Variants in FGF8 observed in about 807,000 individuals in gnomAD.
FGF8 encodes the protein fibroblast growth factor 8, also known as androgen-induced growth factor.
A neutral mutation model predicts 29.7 loss-of-function variants in FGF8; 12 were observed. That is an observed-to-expected ratio of 0.40 (90% confidence interval 0.26 to 0.65). The LOEUF (loss-of-function observed/expected upper bound fraction) is 0.65, where lower values mean the gene tolerates loss of function less well. Ranked by LOEUF, FGF8 falls within the 30% of genes least tolerant of loss-of-function variation. The probability of loss-of-function intolerance (pLI) is 0.37; values close to 1 mark genes in which losing one functional copy is unlikely to be tolerated. For missense variants in FGF8, 271 were observed against 345.1 expected (o/e 0.79, Z 1.70); for synonymous variants, 157 against 144.4 (o/e 1.09, Z -0.63).
rs748644934 is a variant in FGF8 at position 101,770,313 on chromosome 10, G to T, written c.*16C>A. 2 of 1,577,824 alleles carry T rather than the reference G, an allele frequency of 1.3e-6. No individual in the cohort carries two copies. Among genetic ancestry groups the T allele is most frequent in the East Asian group, 4.6e-5 (2 of 43,856 alleles). On this transcript the variant is annotated 3_prime_UTR_variant, in exon 6 of 6. Coordinates refer to ENST00000320185, the MANE Select transcript of FGF8 (RefSeq NM_033163.5). The stretch of plus-strand genomic sequence containing the variant: ...CCTCTCTGCGGTCTGGCATTGTGGG[G>T]AGGGCCAGGCAGCACCTATCGGGGC...
intron 4 of FGF8, among the ~76,000 whole-genome samples, chr10:101,773,075 T>G (rs2065045354): frequency 6.6e-6 from 1 of 152,130 alleles, no homozygotes; most frequent in African/African-American, 2.4e-5. Context: ...TCTGCTATTC[T>G]CCCCGGACTA....
upstream of FGF8, among the ~76,000 whole-genome samples, chr10:101,778,010 C>T (rs895930111): frequency 6.6e-6 from 1 of 152,234 alleles, no homozygotes; most frequent in African/African-American, 2.4e-5. Flanking sequence ...CAGGCCAGCC[C>T]TTGCCTTCCC....
Position 101,775,860 on chromosome 10 carries a change from G to T in FGF8, c.32+9C>A, listed in dbSNP as rs1343504790. On this transcript the variant is annotated intron_variant, in intron 1 of 5. Transcript: ENST00000320185. The surrounding 1 kb of genome is among the most constrained non-coding windows in gnomAD (Gnocchi z 4.6). The stretch of plus-strand genomic sequence containing the variant: ...GGCGGGTGGCGGGGCAGGGCGGCGC[G>T]GTACTCACAGGCAGCTCAGCGCGGA... 35 of 1,501,340 alleles carry T rather than the reference G, an allele frequency of 2.3e-5. No individual in the cohort carries two copies. The highest frequency in any genetic ancestry group is 2.8e-5 in the Non-Finnish European group (32 of 1,130,686). The allele number at this position is 1,501,340 out of a possible 1,614,324, so 93.0% of individuals were successfully genotyped here. A position where few individuals can be genotyped will look rare whatever the true frequency, so the allele number is the denominator to read the frequency against.
At chr10:101,779,866 A>G (rs1318131925), upstream of FGF8, among the ~76,000 whole-genome samples, 2 of 152,196 alleles carry the variant, frequency 1.3e-5, no homozygotes, top group Admixed American at 1.3e-4. The surrounding 1 kb of genome is among the most constrained non-coding windows in gnomAD (Gnocchi z 5.7). Flanking sequence ...CTCCAACTCA[A>G]GTCGTTCGAA....
In FGF8 at chr10:101,771,322, A is replaced by G. The variant is rs550381673; in HGVS notation, c.444+141T>C. ...TCCTTCTCCCTCACTCCTGCACCCA[A>G]TCGTGAGGTAACCCCAAGATGGCCC... On this transcript the variant is annotated intron_variant, in intron 5 of 5. Transcript: ENST00000320185. This position sits in a 1 kb window ranked among gnomAD's most constrained non-coding sequence, Gnocchi z 5.3. 108 of 699,964 alleles carry G rather than the reference A, an allele frequency of 1.5e-4. No homozygotes were observed. Among genetic ancestry groups the G allele is most frequent in the African/African-American group, 1.0e-3 (60 of 57,166 alleles). 43.4% of individuals were successfully genotyped at this position (699,964 alleles called of 1,614,324 possible).
chr10:101,770,566 G>A lies in FGF8; in HGVS notation c.498C>T (p.Asn166=). 6.2e-7 allele frequency: 1 copy of A among 1,613,200 alleles called. No individual in the cohort carries two copies. The highest frequency in any genetic ancestry group is 8.5e-7 in the Non-Finnish European group (1 of 1,179,978). Residue 166 remains asparagine, a synonymous_variant, in exon 6 of 6, where the codon AAC becomes AAT. Transcript: ENST00000320185. The part of the protein sequence containing the change: ...CVFTEIVLEN[N]YTALQNAKYE... ...ACTTGGCATTCTGCAGCGCTGTGTA[G>A]TTGTTCTCCAGCACAATCTCCGTGA...
At chr10:101,777,240 C>T (rs1478875234), upstream of FGF8, among the ~76,000 whole-genome samples, 1 of 152,198 alleles carries the variant, frequency 6.6e-6, no homozygotes, top group Non-Finnish European at 1.5e-5. Flanking sequence ...AGCCCCCATG[C>T]TGCTTCTGTG....
chr10:101,775,799 GGAGA>G lies in FGF8; in HGVS notation c.33-27_33-24del, dbSNP rs2135002460. On this transcript the variant is annotated intron_variant, in intron 1 of 5. Transcript: ENST00000320185. The surrounding 1 kb of genome is among the most constrained non-coding windows in gnomAD (Gnocchi z 4.6). Reference sequence around the variant, plus strand: ...AGCCTGTGGGAGACAAAAGCGGGCGGGAGAGAGAGGCGCGGGTGAGGCGAGGGGC... The same window carrying G: ...AGCCTGTGGGAGACAAAAGCGGGCGGGAGAGGCGCGGGTGAGGCGAGGGGC... 6.5e-7 allele frequency: 1 copy of G among 1,540,498 alleles called. No individual in the cohort carries two copies. The highest frequency in any genetic ancestry group is 8.7e-7 in the Non-Finnish European group (1 of 1,144,166).
chr10:101,774,528 C>T (rs2065063794), intron 4 of FGF8, among the ~76,000 whole-genome samples: 1 of 152,176 alleles, frequency 6.6e-6, no homozygotes, highest in Non-Finnish European at 1.5e-5. Context: ...CATTCATTTG[C>T]TGGGCAGGGA....
rs997105525 is a variant in FGF8, at chr10:101,775,599, G to T, written c.69+141C>A. On this transcript the variant is annotated intron_variant, in intron 2 of 5. Coordinates refer to ENST00000320185, the MANE Select transcript of FGF8 (RefSeq NM_033163.5). The surrounding 1 kb of genome is among the most constrained non-coding windows in gnomAD (Gnocchi z 4.6). ...TCTGTGCCTCAGCTCCCTCCTCGGG[G>T]TGGCTCGGGGCTGGGTTTCTAAGGT... is the stretch of plus-strand genomic sequence containing the variant. 2 of 895,950 alleles carry T rather than the reference G, an allele frequency of 2.2e-6. No individual in the cohort carries two copies. The highest frequency in any genetic ancestry group is 2.7e-5 in the East Asian group (1 of 37,448). The allele number at this position is 895,950 out of a possible 1,614,324, so 55.5% of individuals were successfully genotyped here.
upstream of FGF8, among the ~76,000 whole-genome samples, chr10:101,779,680 G>A (rs1166089004): frequency 6.6e-6 from 1 of 152,012 alleles, no homozygotes; most frequent in East Asian, 1.9e-4. The surrounding 1 kb of genome is among the most constrained non-coding windows in gnomAD (Gnocchi z 5.7). Context: ...GGTGGGTGGG[G>A]TAAATATTGG....
intron 5 of FGF8, among the ~76,000 whole-genome samples, 195 bp from the exon 6 acceptor site, chr10:101,770,814 G>A (rs2065013667): frequency 6.6e-6 from 1 of 152,242 alleles, no homozygotes; most frequent in Admixed American, 6.5e-5. Context: ...TGTCCTCCCA[G>A]GCAGCAGTGA....
At chr10:101,776,985 A>C (rs1057375889), upstream of FGF8, among the ~76,000 whole-genome samples, 3 of 152,248 alleles carry the variant, frequency 2.0e-5, no homozygotes, top group South Asian at 4.1e-4. Context: ...GTACCTCAGC[A>C]GGCAGCAGGG....
At chr10:101,778,454 C>G (rs1276913011), upstream of FGF8, among the ~76,000 whole-genome samples, 1 of 152,228 alleles carries the variant, frequency 6.6e-6, no homozygotes, top group Non-Finnish European at 1.5e-5. Context: ...CCAGAAGATT[C>G]TGAGGGCCCT....
In FGF8 at chr10:101,774,772, G is replaced by C; in HGVS notation, c.297C>G (p.Asn99Lys). The C allele has an allele frequency of 1.2e-6, 2 of 1,610,110 alleles. No individual in the cohort carries two copies. Among genetic ancestry groups the C allele is most frequent in the Non-Finnish European group, 1.7e-6 (2 of 1,179,968 alleles). The change falls in exon 4 of 6, where the codon AAC (asparagine) becomes AAG (lysine). Residue 99 changes from asparagine to lysine, a missense_variant. Transcript: ENST00000320185. The part of the protein sequence containing the change: ...TSGKHVQVLA[N>K]KRINAMAEDG... ...CCTCTGCCATGGCGTTGATGCGCTT[G>C]TTGGCCAGGACCTGCACGTGCTTCC...
chr10:101,771,190 AT>A lies in FGF8; in HGVS notation c.444+272del, dbSNP rs1332390850. 6.6e-6 allele frequency among the ~76,000 whole-genome samples: 1 copy of A among 152,188 alleles called. No homozygotes were observed. Among genetic ancestry groups the A allele is most frequent in the Non-Finnish European group, 1.5e-5 (1 of 68,026 alleles). On this transcript the variant is annotated intron_variant, in intron 5 of 5. Transcript: ENST00000320185. This position sits in a 1 kb window ranked among gnomAD's most constrained non-coding sequence, Gnocchi z 5.3. ...GACATAATAGCAAAGCAATTTGGCG[AT>A]TTGTTAAAAAGATATATGGAATTTA... is the stretch of plus-strand genomic sequence containing the variant.
At chr10:101,779,222 C>CCGGG (rs1396343775), upstream of FGF8, among the ~76,000 whole-genome samples, 2 of 152,244 alleles carry the variant, frequency 1.3e-5, no homozygotes, top group African/African-American at 4.8e-5. The surrounding 1 kb of genome is among the most constrained non-coding windows in gnomAD (Gnocchi z 5.7). Context: ...GCTTCCTGCG[C>CCGGG]CGGGCGTTCA....
chr10:101,771,390 G>C lies in FGF8; in HGVS notation c.444+73C>G. ...CTTGTTGGGATCAGAGCCCAGGACT[G>C]TCTTGGAGGAGTCCAGCCAGCCCAA... is the stretch of plus-strand genomic sequence containing the variant. On this transcript the variant is annotated intron_variant, in intron 5 of 5. Transcript: ENST00000320185. This position sits in a 1 kb window ranked among gnomAD's most constrained non-coding sequence, Gnocchi z 5.3. 1 of 1,134,048 alleles carries C rather than the reference G, an allele frequency of 8.8e-7. No individual in the cohort carries two copies. The highest frequency in any genetic ancestry group is 1.3e-6 in the Non-Finnish European group (1 of 744,670). 70.2% of individuals were successfully genotyped at this position (1,134,048 alleles called of 1,614,324 possible).
At chr10:101,777,492 C>T (rs190558061), upstream of FGF8, among the ~76,000 whole-genome samples, 515 of 152,350 alleles carry the variant, frequency 3.4e-3, no homozygotes, top group Non-Finnish European at 5.5e-3. Context: ...TCCCACCTTT[C>T]CCTGTGCCCC....
Sources: gnomAD v4.1 joint callset for allele counts (sites outside exome capture counted in the v4.1 genomes callset) on GRCh38, gnomAD v4.1.1 for gene constraint, Gnocchi (gnomAD v3.1) non-coding constraint, MANE v1.5 for transcripts, NCBI Gene and HGNC (gene_info 2026-07-23, HGNC 2026-07-21) for gene names.